Variants in SEMA3D observed in about 807,000 individuals in gnomAD.
SEMA3D encodes the protein semaphorin-3D.
Under a neutral mutation model 100.1 loss-of-function variants are expected in SEMA3D, and 84 were observed. The observed-to-expected ratio is 0.84, with a 90% CI of 0.70 to 1.01. SEMA3D has a LOEUF of 1.01. Ranked by LOEUF, SEMA3D falls within the 50% of genes least tolerant of loss-of-function variation. The probability of loss-of-function intolerance (pLI) is 0.00; values close to 1 mark genes in which losing one functional copy is unlikely to be tolerated. For synonymous variants in SEMA3D, 312 were observed against 320.7 expected, an observed-to-expected ratio of 0.97 and a Z score of 0.29; for missense variants, 875 against 934.1, an observed-to-expected ratio of 0.94 and a Z score of 0.82.
chr7:84,999,185 C>T lies in SEMA3D; in HGVS notation c.*255G>A, dbSNP rs563552665. The T allele has an allele frequency of 4.5e-4, 212 of 471,680 alleles. 1 individual carries two copies. In the Admixed American group the frequency reaches 7.4e-3, roughly 16 times the overall value. The allele number at this position is 471,680 out of a possible 1,614,324, so 29.2% of individuals were successfully genotyped here. On this transcript the variant is annotated 3_prime_UTR_variant, in exon 19 of 19. Coordinates refer to ENST00000284136, the MANE Select transcript of SEMA3D (RefSeq NM_001384900.1). Reference sequence around the variant, plus strand: ...AAATTCCAAAACTCAAAACATAAAACATTTACAACTGTAAACCCCCTATTT... The same window carrying T: ...AAATTCCAAAACTCAAAACATAAAATATTTACAACTGTAAACCCCCTATTT...
At chr7:85,124,450 T>C (rs551465665) in intron 2 of SEMA3D, among the ~76,000 whole-genome samples, 113 of 152,154 alleles carry the variant, frequency 7.4e-4, no homozygotes, top group African/African-American at 2.6e-3. Flanking sequence ...TCATATCTAA[T>C]CGCTGACCAT....
chr7:85,241,093 A>G, the SEMA3D span, among the ~76,000 whole-genome samples: 1 of 152,128 alleles, frequency 6.6e-6, no homozygotes, highest in African/African-American at 2.4e-5. Context: ...TATCAGGGAA[A>G]TGCAAATCAA....
intron 12 of SEMA3D, among the ~76,000 whole-genome samples, chr7:85,030,747 C>A (rs1052107083): frequency 5.9e-5 from 9 of 152,008 alleles, no homozygotes; most frequent in African/African-American, 2.2e-4. Flanking sequence ...TTATAAAAAA[C>A]CAACTATCAA....
chr7:85,159,313 C>A (rs1407854042), intron 1 of SEMA3D, among the ~76,000 whole-genome samples: 1 of 152,126 alleles, frequency 6.6e-6, no homozygotes, highest in Admixed American at 6.6e-5. Flanking sequence ...CATGAAAACA[C>A]TCCAGGTGGT....
the SEMA3D span, among the ~76,000 whole-genome samples, chr7:85,195,125 G>A: frequency 3.3e-5 from 5 of 152,190 alleles, no homozygotes; most frequent in South Asian, 4.1e-4. Context: ...ATACAAAGCC[G>A]CCTGCTAGGA....
chr7:85,058,001 A>G lies in SEMA3D; in HGVS notation c.719-2142T>C, dbSNP rs543412348. 3.9e-5 allele frequency among the ~76,000 whole-genome samples: 6 copies of G among 152,316 alleles called. No homozygotes were observed. In the South Asian group the frequency reaches 1.0e-3, roughly 26 times the overall value. ...ATGGGTATTCAGTCAATATCGTCTC[A>G]GCCTCTCTGGGTTGGCCCTGTGTCT... On this transcript the variant is annotated intron_variant, in intron 8 of 18. Transcript: ENST00000284136.
chr7:85,157,815 C>T (rs143777416), intron 1 of SEMA3D: 1 of 161,216 alleles, frequency 6.2e-6, no homozygotes, highest in African/African-American at 2.4e-5. Flanking sequence ...TTCAGGGACC[C>T]TGAACGTAGG....
chr7:85,196,739 C>A, the SEMA3D span, among the ~76,000 whole-genome samples: 1 of 152,014 alleles, frequency 6.6e-6, no homozygotes, highest in African/African-American at 2.4e-5. Flanking sequence ...ATTCAAAAGT[C>A]CAATAACTTT....
chr7:85,062,287 A>C lies in SEMA3D; in HGVS notation c.718+3137T>G, dbSNP rs189812875. 1.3e-4 allele frequency among the ~76,000 whole-genome samples: 20 copies of C among 152,314 alleles called. No individual in the cohort carries two copies. In the East Asian group the frequency reaches 1.9e-3, roughly 15 times the overall value. ...CAAAGATAGGACTAGCATGGATATT[A>C]TATAAAATAATTTTGAATGGGAAGA... On this transcript the variant is annotated intron_variant, in intron 8 of 18. Coordinates refer to ENST00000284136, the MANE Select transcript of SEMA3D (RefSeq NM_001384900.1).
intron 4 of SEMA3D, among the ~76,000 whole-genome samples, chr7:85,096,313 G>A (rs955481918): frequency 1.3e-5 from 2 of 151,846 alleles, no homozygotes; most frequent in African/African-American, 4.8e-5. Flanking sequence ...AAATGGAATG[G>A]AGCTATAATT....
At position 84,999,455 on chromosome 7, in the gene SEMA3D, T is replaced by C; in HGVS notation, c.2319A>G (p.Arg773=). 6.2e-7 allele frequency: 1 copy of C among 1,613,896 alleles called. No individual in the cohort carries two copies. Among genetic ancestry groups the C allele is most frequent in the East Asian group, 2.2e-5 (1 of 44,862 alleles). The change falls in exon 19 of 19, where the codon AGA becomes AGG. Residue 773 remains arginine, a synonymous_variant. Transcript: ENST00000284136. ...RHHRDLDELP[R]AVAT The stretch of plus-strand genomic sequence containing the variant: ...AAGTAGAAAACTACGTGGCTACAGC[T>C]CTAGGGAGCTCATCCAGGTCTCTGT...
chr7:85,111,324 G>T (rs1050049797), intron 3 of SEMA3D, among the ~76,000 whole-genome samples: 1 of 151,970 alleles, frequency 6.6e-6, no homozygotes, highest in Non-Finnish European at 1.5e-5. Context: ...TCTCACTTAG[G>T]TGTCTAATAC....
chr7:85,223,718 G>C, the SEMA3D span, among the ~76,000 whole-genome samples: 1 of 151,996 alleles, frequency 6.6e-6, no homozygotes, highest in Middle Eastern at 3.2e-3. Context: ...AAACTATGAG[G>C]ATGCAAAGGC....
Position 85,006,871 on chromosome 7 carries a change from A to G in SEMA3D, c.1839T>C (p.Cys613=), listed in dbSNP as rs781413854. The G allele has an allele frequency of 8.1e-6, 13 of 1,610,922 alleles. No homozygotes were observed. The African/African-American group carries it at 1.5e-4, about 18-fold the overall frequency. Residue 613 remains cysteine (C), a synonymous_variant, in exon 18 of 19, where the codon TGT becomes TGC. Transcript: ENST00000284136. ...GIEFNSTFLE[C]IPKSQQATIK... is the part of the protein sequence containing the mutation. ...TAGTTGCTTGTTGGGATTTAGGTAT[A>G]CATTCCAGAAAGGTTGAGTTAAATT...
chr7:85,113,228 T>C (rs1789140245), intron 3 of SEMA3D, among the ~76,000 whole-genome samples: 1 of 152,156 alleles, frequency 6.6e-6, no homozygotes, highest in Non-Finnish European at 1.5e-5. Context: ...AATCATATAA[T>C]ACGAAACCTG....
At chr7:85,003,829 A>C (rs2115726399) in intron 18 of SEMA3D, among the ~76,000 whole-genome samples, 1 of 152,224 alleles carries the variant, frequency 6.6e-6, no homozygotes, top group South Asian at 2.1e-4. Flanking sequence ...TTAAACTGAT[A>C]AAGATTTTCT....
At chr7:85,246,536 T>C in the SEMA3D span, among the ~76,000 whole-genome samples, 1 of 151,992 alleles carries the variant, frequency 6.6e-6, no homozygotes, top group East Asian at 1.9e-4. Context: ...AAACGCTTAA[T>C]TGTCAATATT....
chr7:85,193,199 C>T, the SEMA3D span, among the ~76,000 whole-genome samples: 2 of 152,038 alleles, frequency 1.3e-5, no homozygotes, highest in African/African-American at 2.4e-5. Context: ...CACAATTTAC[C>T]AGGACAAAAA....
At chr7:85,198,623 CAG>C in the SEMA3D span, among the ~76,000 whole-genome samples, 1 of 151,766 alleles carries the variant, frequency 6.6e-6, no homozygotes, top group African/African-American at 2.4e-5. Flanking sequence ...TACTGTTGGG[CAG>C]AGTCACTTAA....
Sources: gnomAD v4.1 joint callset for allele counts (sites outside exome capture counted in the v4.1 genomes callset) on GRCh38, gnomAD v4.1.1 for gene constraint, MANE v1.5 for transcripts, NCBI Gene and HGNC (gene_info 2026-07-23, HGNC 2026-07-21) for gene names.